The following MCTP1 variants were observed in gnomAD, a reference collection of about 807,000 sequenced individuals.
MCTP1 encodes the protein multiple C2 and transmembrane domain containing 1.
In MCTP1, 69 loss-of-function variants were observed where a neutral mutation model predicts 120.6. That is an observed-to-expected ratio of 0.57 (90% CI 0.47 to 0.70). The LOEUF (loss-of-function observed/expected upper bound fraction) is 0.70. Ranked by LOEUF, MCTP1 falls within the 30% of genes least tolerant of loss-of-function variation. The pLI, the probability that MCTP1 is intolerant of heterozygous loss-of-function variation, is 0.00. For synonymous variants in MCTP1, 529 were observed against 493.1 expected (o/e 1.07, Z -0.96); for missense variants, 1,203 against 1,248.8 (o/e 0.96, Z 0.55).
chr5:95,222,179 C>T lies in MCTP1; in HGVS notation c.720+61677G>A, dbSNP rs371933881. Among the ~76,000 whole-genome samples the T allele has an allele frequency of 1.2e-4, 19 of 152,300 alleles. 1 individual carries two copies. The highest frequency in any genetic ancestry group is 9.8e-4 in the Admixed American group (15 of 15,296). ...CCTGGTTGCTTTGCCATCCTCAGCA[C>T]GCAGCTTCCACCTAGCAGTCCCTGA... is the stretch of plus-strand genomic sequence containing the variant. On this transcript the variant is annotated intron_variant, in intron 1 of 22. Transcript: ENST00000515393.
chr5:95,155,310 A>G lies in MCTP1; in HGVS notation c.720+128546T>C, dbSNP rs1418408453. Among the ~76,000 whole-genome samples the G allele has an allele frequency of 2.6e-5, 4 of 152,170 alleles. No individual in the cohort carries two copies. In the East Asian group the frequency reaches 7.7e-4, roughly 29 times the overall value. On this transcript the variant is annotated intron_variant, in intron 1 of 22. Coordinates refer to ENST00000515393, the MANE Select transcript of MCTP1 (RefSeq NM_024717.7). The stretch of plus-strand genomic sequence containing the variant: ...AGGAGAGGCAGGAAACATCAAGTAT[A>G]CAATTTATGGACAATCAGGCTGGGT...
intron 6 of MCTP1, among the ~76,000 whole-genome samples, chr5:94,926,905 C>A (rs1813268166): frequency 6.6e-6 from 1 of 152,302 alleles, no homozygotes; most frequent in East Asian, 1.9e-4. Flanking sequence ...ATTGTGGAAT[C>A]CATCCTCTCA....
At chr5:94,717,911 C>T (rs1216464783) in intron 19 of MCTP1, among the ~76,000 whole-genome samples, 1 of 152,048 alleles carries the variant, frequency 6.6e-6, no homozygotes, top group African/African-American at 2.4e-5. Context: ...TGGATAGGAA[C>T]AATCATTATT....
chr5:95,167,816 A>G (rs1434371079), intron 1 of MCTP1, among the ~76,000 whole-genome samples: 12 of 152,072 alleles, frequency 7.9e-5, no homozygotes, highest in African/African-American at 4.8e-5. Context: ...AGATGAGTAG[A>G]TTGGAAAAAT....
At chr5:95,185,072 C>T (rs895773048) in intron 1 of MCTP1, among the ~76,000 whole-genome samples, 4 of 152,144 alleles carry the variant, frequency 2.6e-5, no homozygotes, top group Non-Finnish European at 4.4e-5. Flanking sequence ...CATTACAGTT[C>T]CCCTGTCTTA....
chr5:94,827,627 C>T lies in MCTP1; in HGVS notation c.2437-28495G>A, dbSNP rs190831315. Reference sequence around the variant, plus strand: ...CAATCAAATGTAGGTTTGGTCTTTTCACATAGTCCCATATTTCTTGGAGGC... The same window carrying T: ...CAATCAAATGTAGGTTTGGTCTTTTTACATAGTCCCATATTTCTTGGAGGC... On this transcript the variant is annotated intron_variant, in intron 17 of 22. Coordinates refer to ENST00000515393, the MANE Select transcript of MCTP1 (RefSeq NM_024717.7). 1.8e-4 allele frequency among the ~76,000 whole-genome samples: 27 copies of T among 152,222 alleles called. No homozygotes were observed. In the East Asian group the frequency reaches 4.1e-3, roughly 23 times the overall value.
intron 3 of MCTP1, among the ~76,000 whole-genome samples, chr5:94,946,970 G>A (rs1441649422): frequency 6.6e-6 from 1 of 152,148 alleles, no homozygotes; most frequent in Non-Finnish European, 1.5e-5. Context: ...TGTATCCTAG[G>A]AAACTTGTAC....
intron 19 of MCTP1, among the ~76,000 whole-genome samples, chr5:94,736,735 C>T (rs888286420): frequency 6.6e-6 from 1 of 152,284 alleles, no homozygotes; most frequent in East Asian, 1.9e-4. Flanking sequence ...TCTGTGTGAA[C>T]TCCTTCTGAG....
At chr5:94,855,778 A>G (rs951342633) in intron 17 of MCTP1, among the ~76,000 whole-genome samples, 2 of 151,808 alleles carry the variant, frequency 1.3e-5, no homozygotes, top group Non-Finnish European at 2.9e-5. Context: ...CAACTGCTTT[A>G]ACAAACACCA....
chr5:95,014,446 G>T (rs1836681159), intron 2 of MCTP1, among the ~76,000 whole-genome samples: 1 of 152,104 alleles, frequency 6.6e-6, no homozygotes, highest in Admixed American at 6.6e-5. Flanking sequence ...AATTAGAAGT[G>T]GAGCCTGATG....
At chr5:95,233,575 C>T (rs534725447) in intron 1 of MCTP1, among the ~76,000 whole-genome samples, 10 of 152,228 alleles carry the variant, frequency 6.6e-5, no homozygotes, top group South Asian at 6.2e-4. Flanking sequence ...GTGATCCGCC[C>T]GCCTCGGCCT....
chr5:95,284,225 C>G lies in MCTP1; in HGVS notation c.351G>C (p.Gln117His). Residue 117 changes from glutamine to histidine, a missense_variant, in exon 1 of 23, where the codon CAG becomes CAC. By Grantham distance (24) the Gln-to-His change is conservative. This residue lies in a region of MCTP1 where 463 missense variants were observed against 377.8 expected (regional missense o/e 1.23). Coordinates refer to ENST00000515393, the MANE Select transcript of MCTP1 (RefSeq NM_024717.7). The surrounding 1 kb of genome is among the most constrained non-coding windows in gnomAD (Gnocchi z 5.2). ...GGATCCGGCGGCGTAGCGTGGACCC[C>G]TGCTCGGCTCTGCCGGCGCCGCCGG... Reference protein sequence around the residue: ...LEPGGAGRAEQGSTLRRRIRE... With the variant: ...LEPGGAGRAEHGSTLRRRIRE... The G allele has an allele frequency of 6.3e-7, 1 of 1,581,956 alleles. No homozygotes were observed. Among genetic ancestry groups the G allele is most frequent in the Non-Finnish European group, 8.5e-7 (1 of 1,170,510 alleles).
At chr5:95,040,874 T>G (rs574985449) in intron 1 of MCTP1, among the ~76,000 whole-genome samples, 2 of 152,132 alleles carry the variant, frequency 1.3e-5, no homozygotes, top group African/African-American at 4.8e-5. Flanking sequence ...TGAGAAAACA[T>G]GTAGGTAGGT....
At chr5:95,163,999 T>C (rs1169244870) in intron 1 of MCTP1, among the ~76,000 whole-genome samples, 1 of 152,220 alleles carries the variant, frequency 6.6e-6, no homozygotes, top group African/African-American at 2.4e-5. Context: ...TTTTCTCCAA[T>C]TGGTAATTAT....
At chr5:95,204,743 GA>G (rs921985107) in intron 1 of MCTP1, among the ~76,000 whole-genome samples, 6 of 151,136 alleles carry the variant, frequency 4.0e-5, no homozygotes, top group African/African-American at 7.3e-5. Context: ...TAAAACAAAC[GA>G]AAAAAATAAT....
intron 19 of MCTP1, among the ~76,000 whole-genome samples, chr5:94,723,564 TTG>T (rs1554079824): frequency 6.6e-6 from 1 of 151,896 alleles, no homozygotes; most frequent in East Asian, 1.9e-4. Context: ...AGTTTTTTTT[TTG>T]TTTTGTTTTT....
intron 1 of MCTP1, among the ~76,000 whole-genome samples, chr5:95,178,912 A>G (rs1232185150): frequency 6.6e-6 from 1 of 152,202 alleles, no homozygotes; most frequent in African/African-American, 2.4e-5. Flanking sequence ...ACTCCAACTT[A>G]AAGAAATCAA....
In MCTP1 at chr5:95,284,635, C is replaced by A. The variant is rs952347835; in HGVS notation, c.-60G>T. 5.3e-6 allele frequency: 7 copies of A among 1,308,870 alleles called. No individual in the cohort carries two copies. The highest frequency in any genetic ancestry group is 6.9e-6 in the Non-Finnish European group (7 of 1,011,912). 81.1% of individuals were successfully genotyped at this position (1,308,870 alleles called of 1,614,324 possible). A position where few individuals can be genotyped will look rare whatever the true frequency, so the allele number is the denominator to read the frequency against. ...CCTCCTCCTCCTCCTGCTTCTCCTCCCTCTTCGGCTGCACCTCCTCCCGGG... is the reference window on the plus strand; with the variant it reads ...CCTCCTCCTCCTCCTGCTTCTCCTCACTCTTCGGCTGCACCTCCTCCCGGG... On this transcript the variant is annotated 5_prime_UTR_variant, in exon 1 of 23. Coordinates refer to ENST00000515393, the MANE Select transcript of MCTP1 (RefSeq NM_024717.7). This position sits in a 1 kb window ranked among gnomAD's most constrained non-coding sequence, Gnocchi z 5.2.
intron 1 of MCTP1, among the ~76,000 whole-genome samples, chr5:95,174,688 C>G (rs251079): frequency 0.56 from 85,704 of 151,990 alleles, 25,752 homozygotes; most frequent in Non-Finnish European, 0.67. Context: ...CCTCAGACCT[C>G]CTTCATAAGG....
Sources: allele counts gnomAD v4.1 joint callset (sites outside exome capture counted in the v4.1 genomes callset), GRCh38; gene constraint gnomAD v4.1.1; regional missense constraint gnomAD v4.1.1; non-coding constraint Gnocchi (gnomAD v3.1); transcripts MANE v1.5; gene names NCBI Gene and HGNC (gene_info 2026-07-23, HGNC 2026-07-21).